BEND3: variants seen among roughly 807,000 people sequenced by gnomAD.
The protein encoded by BEND3 is BEN domain containing 3.
BEND3 carries 13 observed loss-of-function variants against 60.1 expected under a neutral mutation model. That is an observed-to-expected ratio of 0.22 (90% confidence interval 0.14 to 0.34). The LOEUF (loss-of-function observed/expected upper bound fraction) is 0.34. BEND3 is among the 10% of genes least tolerant of loss of function. BEND3 has a pLI of 1.00. For synonymous variants in BEND3, 497 were observed against 491.5 expected, an observed-to-expected ratio of 1.01 and a Z score of -0.15; for missense variants, 896 against 1,138.1, an observed-to-expected ratio of 0.79 and a Z score of 3.06.
chr6:107,113,413 G>A (rs1368965061), intron 1 of BEND3, among the ~76,000 whole-genome samples: 2 of 140,486 alleles, frequency 1.4e-5, no homozygotes, highest in African/African-American at 2.8e-5. Context: ...ACTCCAGCCC[G>A]GGTGACAGAG....
chr6:107,070,896 C>T lies in BEND3; in HGVS notation c.295G>A (p.Gly99Ser). The T allele has an allele frequency of 1.9e-6, 3 of 1,613,948 alleles. No individual in the cohort carries two copies. The highest frequency in any genetic ancestry group is 2.2e-5 in the East Asian group (1 of 44,874). ...CTCCTGCCCCTGCCGGCCTGCTCACCATTGCCTTGGCAGGGCGAGCTGTTC... is the reference window on the plus strand; with the variant it reads ...CTCCTGCCCCTGCCGGCCTGCTCACTATTGCCTTGGCAGGGCGAGCTGTTC... ...RENSSPCQGNGEQAGRGRSLG... is the reference protein window; with the variant it reads ...RENSSPCQGNSEQAGRGRSLG... Residue 99 changes from glycine to serine, a missense_variant, in exon 4 of 4, where the codon GGT (glycine) becomes AGT (serine). By Grantham distance (56) the Gly-to-Ser change is moderately conservative. Around this residue, in one of 4 missense-constraint regions of BEND3, gnomAD observed 846 missense variants for 1,036.7 expected, o/e 0.82. Transcript: ENST00000369042. This position sits in a 1 kb window ranked among gnomAD's most constrained non-coding sequence, Gnocchi z 6.9.
chr6:107,090,241 G>C (rs1281168903), intron 3 of BEND3, among the ~76,000 whole-genome samples: 1 of 152,048 alleles, frequency 6.6e-6, no homozygotes, highest in African/African-American at 2.4e-5. Context: ...TCCAGCTTCT[G>C]GGGAGGCTGA....
chr6:107,071,527 C>T lies in BEND3; in HGVS notation c.241-577G>A, dbSNP rs553276468. Reference sequence around the variant, plus strand: ...CACCTGAGAACTGGGCTGTGGAGAGCGGCTGTCTGATGCCAACTCCACCAC... The same window carrying T: ...CACCTGAGAACTGGGCTGTGGAGAGTGGCTGTCTGATGCCAACTCCACCAC... On this transcript the variant is annotated intron_variant, in intron 3 of 3. Transcript: ENST00000369042. Among the ~76,000 whole-genome samples, 14 of 152,224 alleles carry T rather than the reference C, an allele frequency of 9.2e-5. No homozygotes were observed. In the East Asian group the frequency reaches 2.5e-3, roughly 27 times the overall value.
At chr6:107,080,829 A>G (rs1163277989) in intron 3 of BEND3, among the ~76,000 whole-genome samples, 1 of 152,008 alleles carries the variant, frequency 6.6e-6, no homozygotes, top group Non-Finnish European at 1.5e-5. Context: ...GGTTGCAGTG[A>G]GCCGAGATCA....
chr6:107,099,559 T>C (rs1775661840), intron 1 of BEND3, among the ~76,000 whole-genome samples: 1 of 152,218 alleles, frequency 6.6e-6, no homozygotes, highest in South Asian at 2.1e-4. Flanking sequence ...AGCCACTTAC[T>C]GAGCCATGGG....
At chr6:107,105,647 G>T (rs1775798055) in intron 1 of BEND3, among the ~76,000 whole-genome samples, 3 of 152,176 alleles carry the variant, frequency 2.0e-5, no homozygotes. Context: ...TGTGGGCCGG[G>T]GAGTCACACA....
At chr6:107,099,119 G>A in intron 2 of BEND3, 130 bp downstream of exon 2, 1 of 726,776 alleles carries the variant, frequency 1.4e-6, no homozygotes, top group South Asian at 1.8e-5. Flanking sequence ...ATGGGAACCG[G>A]GGAACAAGTG....
intron 1 of BEND3, among the ~76,000 whole-genome samples, chr6:107,112,541 C>T (rs1770129728): frequency 1.3e-5 from 2 of 151,922 alleles, no homozygotes; most frequent in African/African-American, 2.4e-5. Flanking sequence ...AAGAAGATGG[C>T]ATCTCTGGTA....
intron 1 of BEND3, among the ~76,000 whole-genome samples, chr6:107,100,041 TA>T (rs1181640396): frequency 1.3e-5 from 2 of 151,930 alleles, no homozygotes; most frequent in Non-Finnish European, 2.9e-5. Context: ...CACAGCTAAT[TA>T]AAAAATTTTT....
Position 107,069,911 on chromosome 6 carries a change from T to C in BEND3, c.1280A>G (p.Lys427Arg). The C allele has an allele frequency of 6.2e-7, 1 of 1,613,934 alleles. No homozygotes were observed. Among genetic ancestry groups the C allele is most frequent in the South Asian group, 1.1e-5 (1 of 91,080 alleles). The change falls in exon 4 of 4, where the codon AAG becomes AGG. Residue 427 changes from lysine (K) to arginine (R), a missense_variant. Lys to Arg is a conservative substitution (Grantham distance 26). This residue lies in a region of BEND3 where 846 missense variants were observed against 1,036.7 expected (regional missense o/e 0.82). Coordinates refer to ENST00000369042, the MANE Select transcript of BEND3 (RefSeq NM_001367314.1). Reference protein sequence around the residue: ...RLFPELFDHRKLGEQYSCYGD... With the variant: ...RLFPELFDHRRLGEQYSCYGD... ...GTAGCAGCTGTACTGTTCACCCAGC[T>C]TGCGGTGGTCGAAGAGCTCGGGGAA...
chr6:107,086,525 G>A (rs1227051050), intron 3 of BEND3, among the ~76,000 whole-genome samples: 2 of 152,048 alleles, frequency 1.3e-5, no homozygotes, highest in East Asian at 1.9e-4. Flanking sequence ...TGAGGCAGGA[G>A]AATCGCTTGA....
Position 107,070,819 on chromosome 6 carries a change from G to A in BEND3, c.372C>T (p.Thr124=). The change falls in exon 4 of 4, where the codon ACC becomes ACT. Residue 124 remains threonine, a synonymous_variant. Transcript: ENST00000369042. The surrounding 1 kb of genome is among the most constrained non-coding windows in gnomAD (Gnocchi z 6.9). ...CATACAGAGGCTTCTTGTAGGAAGG[G>A]GTGGTGGCATCGTTGCAGGGCTCCT... ...GEEEPCNDAT[T]PSYKKPLYGI... 1 of 1,614,110 alleles carries A rather than the reference G, an allele frequency of 6.2e-7. No individual in the cohort carries two copies. The highest frequency in any genetic ancestry group is 1.1e-5 in the South Asian group (1 of 91,082).
Position 107,070,749 on chromosome 6 carries a change from C to G in BEND3, c.442G>C (p.Asp148His), listed in dbSNP as rs781873429. 24 of 1,613,934 alleles carry G rather than the reference C, an allele frequency of 1.5e-5. No individual in the cohort carries two copies. Among genetic ancestry groups the G allele is most frequent in the South Asian group, 7.7e-5 (7 of 91,086 alleles). Residue 148 changes from aspartate to histidine, a missense_variant, in exon 4 of 4, where the codon GAC becomes CAC. Asp to His is a moderately conservative substitution (Grantham distance 81). Around this residue, in one of 4 missense-constraint regions of BEND3, gnomAD observed 846 missense variants for 1,036.7 expected, o/e 0.82. Transcript: ENST00000369042. This position sits in a 1 kb window ranked among gnomAD's most constrained non-coding sequence, Gnocchi z 6.9. ...AAGAGCTCGTACACGTTTAGCAGGT[C>G]CCCCGAGGGAGGATTCTTCTTCTCC... ...IMEKKNPPSG[D>H]LLNVYELFEK...
At position 107,088,163 on chromosome 6, in the gene BEND3, T is replaced by C. The variant is rs536875348; in HGVS notation, c.240+10388A>G. ...GTAGCTAGCTAGGACTATAGGCATG[T>C]GCCACCACACCCAGATAAAAGAATC... is the stretch of plus-strand genomic sequence containing the variant. On this transcript the variant is annotated intron_variant, in intron 3 of 3. Transcript: ENST00000369042. 5.9e-5 allele frequency among the ~76,000 whole-genome samples: 9 copies of C among 152,246 alleles called. No individual in the cohort carries two copies. The South Asian group carries it at 1.2e-3, about 21-fold the overall frequency.
At chr6:107,081,804 G>A (rs1489555946) in intron 3 of BEND3, among the ~76,000 whole-genome samples, 2 of 151,886 alleles carry the variant, frequency 1.3e-5, no homozygotes, top group Admixed American at 6.6e-5. Context: ...AAATAAAGGA[G>A]AATATACCCT....
intron 1 of BEND3, among the ~76,000 whole-genome samples, chr6:107,105,358 A>C (rs1775790616): frequency 6.8e-6 from 1 of 147,930 alleles, no homozygotes; most frequent in Non-Finnish European, 1.5e-5. Context: ...GAGACAGAGA[A>C]AGACTCTGTC....
chr6:107,094,665 A>G (rs528670667), intron 3 of BEND3, among the ~76,000 whole-genome samples: 2 of 146,982 alleles, frequency 1.4e-5, no homozygotes, highest in South Asian at 4.4e-4. Context: ...TAAATAAATA[A>G]AACGAACAAC....
At chr6:107,102,237 G>T (rs1440272912) in intron 1 of BEND3, among the ~76,000 whole-genome samples, 3 of 152,210 alleles carry the variant, frequency 2.0e-5, no homozygotes, top group African/African-American at 4.8e-5. Context: ...CCATCACATA[G>T]GGAGCAGTGC....
intron 3 of BEND3, among the ~76,000 whole-genome samples, chr6:107,094,358 C>G (rs1775537043): frequency 6.6e-6 from 1 of 152,142 alleles, no homozygotes; most frequent in Admixed American, 6.6e-5. Context: ...CGTGGTGGCT[C>G]ATGCCTGTAA....
Sources: gnomAD v4.1 joint callset for allele counts (sites outside exome capture counted in the v4.1 genomes callset) on GRCh38, gnomAD v4.1.1 for gene constraint, gnomAD v4.1.1 regional missense constraint, Gnocchi (gnomAD v3.1) non-coding constraint, MANE v1.5 for transcripts, NCBI Gene and HGNC (gene_info 2026-07-23, HGNC 2026-07-21) for gene names.